The following NOX4 variants were observed in gnomAD, a reference collection of about 807,000 sequenced individuals.
NOX4 encodes NADPH oxidase 4, also known as kidney oxidase-1.
NOX4 carries 69 observed loss-of-function variants against 87.6 expected under a neutral mutation model. The observed-to-expected ratio is 0.79, with a 90% CI of 0.65 to 0.96. The LOEUF (loss-of-function observed/expected upper bound fraction) is 0.96. NOX4 is among the 40% of genes least tolerant of loss of function. The pLI is 0.00. For synonymous variants in NOX4, 275 were observed against 238.2 expected, an observed-to-expected ratio of 1.15 and a Z score of -1.42; for missense variants, 680 against 681.5, an observed-to-expected ratio of 1.00 and a Z score of 0.02.
upstream of NOX4, among the ~76,000 whole-genome samples, chr11:89,499,668 C>T (rs1358926915): frequency 1.3e-5 from 2 of 152,074 alleles, no homozygotes; most frequent in African/African-American, 2.4e-5. Context: ...TTACTTATAT[C>T]GATTTAATAG....
intron 17 of NOX4, among the ~76,000 whole-genome samples, chr11:89,331,791 GTTTC>G (rs759518819): frequency 2.2e-4 from 34 of 151,460 alleles, no homozygotes; most frequent in African/African-American, 7.7e-4. Context: ...TGATTTTTGT[GTTTC>G]TTTAACATTT....
intron 2 of NOX4, among the ~76,000 whole-genome samples, chr11:89,472,711 C>T (rs527803809): frequency 6.6e-6 from 1 of 152,242 alleles, no homozygotes; most frequent in South Asian, 2.1e-4. Flanking sequence ...TTTCCAGTGC[C>T]AAAAGCACAG....
chr11:89,427,195 A>G (rs997090479), intron 7 of NOX4, among the ~76,000 whole-genome samples: 15 of 152,012 alleles, frequency 9.9e-5, no homozygotes, highest in African/African-American at 3.6e-4. Context: ...CAAACAGAAA[A>G]GACATCCACA....
the NOX4 span, among the ~76,000 whole-genome samples, chr11:89,569,192 A>G: frequency 6.6e-6 from 1 of 152,130 alleles, no homozygotes; most frequent in Non-Finnish European, 1.5e-5. Context: ...TGAAAAAAAA[A>G]AAACAAAAAT....
At chr11:89,438,538 CTA>C (rs1179262113) in intron 6 of NOX4, among the ~76,000 whole-genome samples, 1 of 86,422 alleles carries the variant, frequency 1.2e-5, no homozygotes, top group Non-Finnish European at 1.9e-5. Context: ...ATATTACACA[CTA>C]TATATAATAA....
At chr11:89,361,654 C>G (rs73533537) in intron 12 of NOX4, among the ~76,000 whole-genome samples, 1 of 152,006 alleles carries the variant, frequency 6.6e-6, no homozygotes, top group Non-Finnish European at 1.5e-5. Flanking sequence ...GAAAAGAAAT[C>G]TTAATTAAAG....
the NOX4 span, among the ~76,000 whole-genome samples, chr11:89,536,053 T>A: frequency 6.6e-6 from 1 of 152,064 alleles, no homozygotes; most frequent in African/African-American, 2.4e-5. Flanking sequence ...TGTTAGTTTT[T>A]TTATTTAATT....
intron 11 of NOX4, among the ~76,000 whole-genome samples, chr11:89,383,748 A>T (rs1005320855): frequency 9.9e-5 from 15 of 152,104 alleles, no homozygotes; most frequent in African/African-American, 2.9e-4. Context: ...TTAGGATGAG[A>T]CATTTTTACT....
intron 7 of NOX4, among the ~76,000 whole-genome samples, chr11:89,429,238 A>G (rs1398430347): frequency 2.6e-5 from 4 of 152,216 alleles, no homozygotes; most frequent in African/African-American, 9.6e-5. Flanking sequence ...ATAGCACTAA[A>G]TGTCCACAAG....
chr11:89,455,832 G>A (rs1216236103), intron 2 of NOX4, among the ~76,000 whole-genome samples: 1 of 150,918 alleles, frequency 6.6e-6, no homozygotes, highest in African/African-American at 2.4e-5. Flanking sequence ...CATCAAATTT[G>A]GTAATCAATA....
chr11:89,493,262 G>A (rs745405936), upstream of NOX4, among the ~76,000 whole-genome samples: 1 of 152,144 alleles, frequency 6.6e-6, no homozygotes, highest in Non-Finnish European at 1.5e-5. Context: ...GCAGGCGCCT[G>A]TAGTCCCAGC....
At chr11:89,437,475 C>T (rs538438617) in intron 6 of NOX4, among the ~76,000 whole-genome samples, 34 of 152,258 alleles carry the variant, frequency 2.2e-4, no homozygotes, top group African/African-American at 7.7e-4. Context: ...GCTCCAGACT[C>T]ACGCTTAGGG....
chr11:89,360,115 C>A (rs1453683505), intron 12 of NOX4, among the ~76,000 whole-genome samples: 1 of 151,898 alleles, frequency 6.6e-6, no homozygotes, highest in African/African-American at 2.4e-5. Flanking sequence ...GTACTTCATA[C>A]CCCAAAAAGG....
At chr11:89,495,317 T>C (rs1272850868), upstream of NOX4, among the ~76,000 whole-genome samples, 1 of 152,054 alleles carries the variant, frequency 6.6e-6, no homozygotes, top group Non-Finnish European at 1.5e-5. Flanking sequence ...CTGTTCCTTG[T>C]CTCTTCCAGA....
At chr11:89,575,589 T>G in the NOX4 span, among the ~76,000 whole-genome samples, 1 of 152,194 alleles carries the variant, frequency 6.6e-6, no homozygotes, top group South Asian at 2.1e-4. Context: ...TCCAGCCACT[T>G]TATAATATAA....
the NOX4 span, among the ~76,000 whole-genome samples, chr11:89,557,567 A>G: frequency 6.6e-6 from 1 of 152,144 alleles, no homozygotes; most frequent in Non-Finnish European, 1.5e-5. Flanking sequence ...AACATAAACA[A>G]CTGCCAGGTA....
At chr11:89,364,670 T>C (rs1938802424) in intron 12 of NOX4, among the ~76,000 whole-genome samples, 1 of 152,096 alleles carries the variant, frequency 6.6e-6, no homozygotes, top group Non-Finnish European at 1.5e-5. Context: ...AAAAATCCTC[T>C]ACTTGACATG....
intron 7 of NOX4, among the ~76,000 whole-genome samples, chr11:89,425,627 A>G (rs368384579): frequency 6.6e-6 from 1 of 152,044 alleles, no homozygotes; most frequent in South Asian, 2.1e-4. Flanking sequence ...TAAAATACAT[A>G]TGTATATAAG....
chr11:89,578,733 A>G, the NOX4 span, among the ~76,000 whole-genome samples: 4 of 152,198 alleles, frequency 2.6e-5, no homozygotes, highest in Non-Finnish European at 5.9e-5. Flanking sequence ...AAAAGATGCA[A>G]ACACATTAAA....
Sources: gnomAD v4.1 joint callset for allele counts (sites outside exome capture counted in the v4.1 genomes callset) on GRCh38, gnomAD v4.1.1 for gene constraint, MANE v1.5 for transcripts, NCBI Gene and HGNC (gene_info 2026-07-23, HGNC 2026-07-21) for gene names.